Variants in TNFRSF8 observed in about 807,000 individuals in gnomAD.
TNFRSF8 encodes tumor necrosis factor receptor superfamily member 8.
TNFRSF8 carries 26 observed loss-of-function variants against 70.8 expected under a neutral mutation model. That is an observed-to-expected ratio of 0.37 (90% CI 0.27 to 0.51). The LOEUF (loss-of-function observed/expected upper bound fraction) is 0.51, where lower values mean the gene tolerates loss of function less well. Ranked by LOEUF, TNFRSF8 falls within the 20% of genes least tolerant of loss-of-function variation. The probability of loss-of-function intolerance (pLI) is 0.94; values close to 1 mark genes in which losing one functional copy is unlikely to be tolerated. For missense variants in TNFRSF8, 720 were observed against 807.9 expected (o/e 0.89, Z 1.32); for synonymous variants, 356 against 339.2 (o/e 1.05, Z -0.54).
chr1:12,100,042 G>T (rs1226735822), intron 3 of TNFRSF8, among the ~76,000 whole-genome samples: 2 of 152,078 alleles, frequency 1.3e-5, no homozygotes, highest in East Asian at 3.8e-4. Flanking sequence ...GGTGGCACGT[G>T]TCTGTAGTCC....
intron 2 of TNFRSF8, among the ~76,000 whole-genome samples, chr1:12,086,859 G>A (rs532197423): frequency 1.6e-4 from 25 of 151,562 alleles, no homozygotes; most frequent in African/African-American, 5.8e-4. Flanking sequence ...CCATCCTTAT[G>A]ACCTCATTTA....
rs917070336 is a variant in TNFRSF8 at position 12,084,362 on chromosome 1, A to G, written c.64-102A>G. The G allele has an allele frequency of 1.8e-5, 19 of 1,028,852 alleles. No homozygotes were observed. In the East Asian group the frequency reaches 2.9e-4, roughly 16 times the overall value. 63.7% of individuals were successfully genotyped at this position (1,028,852 alleles called of 1,614,324 possible). On this transcript the variant is annotated intron_variant, in intron 1 of 14. Transcript: ENST00000263932. ...GAGTTCTCGTCCTGATTTCTCTCCT[A>G]TATTACAAAGCTCCGTCTCAGGCCT...
chr1:12,126,199 C>T lies in TNFRSF8; in HGVS notation c.1272C>T (p.Tyr424=), dbSNP rs771211435. ...TCGTTTCAGAGCTCCACCTGTGCTA[C>T]CCGGTCCAGACCTCCCAGCCCAAGC... ...KRIRQKLHLC[Y]PVQTSQPKLE... Residue 424 remains tyrosine (Y), a synonymous_variant, in exon 12 of 15, where the codon TAC becomes TAT. Transcript: ENST00000263932. 1.9e-6 allele frequency: 3 copies of T among 1,614,178 alleles called. No individual in the cohort carries two copies. Among genetic ancestry groups the T allele is most frequent in the South Asian group, 2.2e-5 (2 of 91,084 alleles).
intron 4 of TNFRSF8, among the ~76,000 whole-genome samples, chr1:12,106,700 GA>G (rs1010156210): frequency 6.6e-6 from 1 of 152,082 alleles, no homozygotes; most frequent in Non-Finnish European, 1.5e-5. Context: ...CTCTGCTAAG[GA>G]ATGATGGAGG....
At chr1:12,089,811 A>C (rs1479820916) in intron 2 of TNFRSF8, among the ~76,000 whole-genome samples, 1 of 151,702 alleles carries the variant, frequency 6.6e-6, no homozygotes, top group Non-Finnish European at 1.5e-5. Flanking sequence ...CCACCCATCC[A>C]TCCATCCGTT....
intron 10 of TNFRSF8, 88 bp downstream of exon 10, chr1:12,123,915 C>T (rs1467053893): frequency 1.7e-5 from 20 of 1,179,036 alleles, no homozygotes; most frequent in Non-Finnish European, 2.2e-5. Context: ...GGGAGCTTCT[C>T]CTTTGTGGGT....
At chr1:12,100,965 A>AG (rs2100990683) in intron 3 of TNFRSF8, among the ~76,000 whole-genome samples, 1 of 152,048 alleles carries the variant, frequency 6.6e-6, no homozygotes, top group East Asian at 1.9e-4. Flanking sequence ...TCAAAAAAAA[A>AG]AAAAAAAGAA....
chr1:12,135,681 C>T (rs1642133813), intron 13 of TNFRSF8, 68 bp downstream of exon 13: 1 of 1,596,238 alleles, frequency 6.3e-7, no homozygotes, highest in Non-Finnish European at 8.6e-7. Context: ...CCTAACAGAT[C>T]TGAAGTTTTG....
At position 12,106,674 on chromosome 1, in the gene TNFRSF8, G is replaced by C. The variant is rs112387791; in HGVS notation, c.421+2143G>C. Among the ~76,000 whole-genome samples, 14 of 152,284 alleles carry C rather than the reference G, an allele frequency of 9.2e-5. 1 individual carries two copies. Among genetic ancestry groups the C allele is most frequent in the African/African-American group, 3.1e-4 (13 of 41,558 alleles). ...GGAGTTCAAATCTGGTCAAATTCCA[G>C]GGTCGGGGGAGAGCGCTCTGCTAAG... On this transcript the variant is annotated intron_variant, in intron 4 of 14. Coordinates refer to ENST00000263932, the MANE Select transcript of TNFRSF8 (RefSeq NM_001243.5).
At chr1:12,087,317 G>T (rs1400245165) in intron 2 of TNFRSF8, among the ~76,000 whole-genome samples, 1 of 151,942 alleles carries the variant, frequency 6.6e-6, no homozygotes, top group Non-Finnish European at 1.5e-5. Context: ...ACAGGCATGT[G>T]CCACCACACC....
At chr1:12,128,784 TGTG>T (rs1295160948) in intron 12 of TNFRSF8, among the ~76,000 whole-genome samples, 1 of 151,260 alleles carries the variant, frequency 6.6e-6, no homozygotes, top group Non-Finnish European at 1.5e-5. Context: ...GACATTGCCA[TGTG>T]GCCCCTGGGG....
chr1:12,111,678 G>A (rs1641633935), intron 6 of TNFRSF8, among the ~76,000 whole-genome samples: 1 of 152,202 alleles, frequency 6.6e-6, no homozygotes. Context: ...CAGTGGGCAG[G>A]GGCTGGTTGG....
At chr1:12,075,913 T>C (rs111440796) in intron 1 of TNFRSF8, among the ~76,000 whole-genome samples, 2,004 of 152,236 alleles carry the variant, frequency 0.013, 39 homozygotes, top group African/African-American at 0.045. Context: ...ATGCCAGCCC[T>C]GAGATAACCT....
chr1:12,082,192 C>T (rs1641075987), intron 1 of TNFRSF8, among the ~76,000 whole-genome samples: 1 of 152,204 alleles, frequency 6.6e-6, no homozygotes, highest in East Asian at 1.9e-4. Context: ...TGAATCCTTT[C>T]TTATGATGGT....
chr1:12,126,346 C>T, intron 12 of TNFRSF8, 110 bp downstream of exon 12: 1 of 1,298,460 alleles, frequency 7.7e-7, no homozygotes. Flanking sequence ...CCTCGAAGCT[C>T]CCTGTCTGTG....
chr1:12,123,206 A>T, intron 8 of TNFRSF8, 78 bp from the exon 9 acceptor site: 1 of 1,275,480 alleles, frequency 7.8e-7, no homozygotes, highest in Non-Finnish European at 1.1e-6. Context: ...GGAAGCCACC[A>T]GTCCCTGCTG....
chr1:12,106,473 T>C (rs1246230610), intron 4 of TNFRSF8, among the ~76,000 whole-genome samples: 2 of 152,174 alleles, frequency 1.3e-5, no homozygotes, highest in Non-Finnish European at 2.9e-5. Flanking sequence ...GCTTGATCAA[T>C]GTCTGTCTCC....
chr1:12,066,043 C>T (rs1173898017), intron 1 of TNFRSF8, among the ~76,000 whole-genome samples: 1 of 152,200 alleles, frequency 6.6e-6, no homozygotes, highest in African/African-American at 2.4e-5. Flanking sequence ...TTCCCACATC[C>T]TAACCGACAT....
At position 12,119,665 on chromosome 1, in the gene TNFRSF8, GA is replaced by G. The variant is rs1188229972; in HGVS notation, c.947-3618del. Among the ~76,000 whole-genome samples the G allele has an allele frequency of 6.6e-6, 1 of 151,664 alleles. No individual in the cohort carries two copies. Among genetic ancestry groups the G allele is most frequent in the Non-Finnish European group, 1.5e-5 (1 of 67,992 alleles). The stretch of plus-strand genomic sequence containing the variant: ...GTTCCAGGCTGGAGTGCAGTGGCAT[GA>G]TCTTGGCTCACTGCAGCATTGAACT... On this transcript the variant is annotated intron_variant, in intron 8 of 14. Transcript: ENST00000263932. The surrounding 1 kb of genome is among the most constrained non-coding windows in gnomAD (Gnocchi z 4.4).
Sources: allele counts gnomAD v4.1 joint callset (sites outside exome capture counted in the v4.1 genomes callset), GRCh38; gene constraint gnomAD v4.1.1; non-coding constraint Gnocchi (gnomAD v3.1); transcripts MANE v1.5; gene names NCBI Gene and HGNC (gene_info 2026-07-23, HGNC 2026-07-21).